Variants in CLASP1 observed in about 807,000 individuals in gnomAD.
The protein encoded by CLASP1 is cytoplasmic linker associated protein 1.
A neutral mutation model predicts 192.3 loss-of-function variants in CLASP1; 38 were observed. That is an observed-to-expected ratio of 0.20 (90% confidence interval 0.15 to 0.26). The LOEUF (loss-of-function observed/expected upper bound fraction) is 0.26. CLASP1 is among the 10% of genes least tolerant of loss of function. The probability of loss-of-function intolerance (pLI) is 1.00; values close to 1 mark genes in which losing one functional copy is unlikely to be tolerated. For missense variants in CLASP1, 1,433 were observed against 1,932.5 expected (o/e 0.74, Z 4.85); for synonymous variants, 691 against 712.8 (o/e 0.97, Z 0.49).
chr2:121,545,578 A>G (rs1425104704), intron 2 of CLASP1, among the ~76,000 whole-genome samples: 1 of 152,174 alleles, frequency 6.6e-6, no homozygotes, highest in Non-Finnish European at 1.5e-5. Context: ...AGACACAGTC[A>G]GCTTTGTCTG....
At chr2:121,442,683 T>C (rs192144090) in intron 19 of CLASP1, among the ~76,000 whole-genome samples, 17 of 152,268 alleles carry the variant, frequency 1.1e-4, no homozygotes, top group African/African-American at 4.1e-4. Flanking sequence ...TTTCACCACG[T>C]TGGTCAGGCT....
intron 6 of CLASP1, among the ~76,000 whole-genome samples, chr2:121,520,196 G>A (rs1358460060): frequency 1.3e-5 from 2 of 152,190 alleles, no homozygotes; most frequent in Admixed American, 1.3e-4. Flanking sequence ...GCACCTCTCT[G>A]GGGGCAAGTC....
At chr2:121,376,574 T>C (rs1467466650) in intron 34 of CLASP1, among the ~76,000 whole-genome samples, 3 of 151,980 alleles carry the variant, frequency 2.0e-5, no homozygotes, top group African/African-American at 7.3e-5. Context: ...GCTGCAAAAT[T>C]GCAGCTAGGT....
At chr2:121,550,269 T>C (rs892390314) in intron 2 of CLASP1, among the ~76,000 whole-genome samples, 2 of 152,114 alleles carry the variant, frequency 1.3e-5, no homozygotes, top group Admixed American at 1.3e-4. Flanking sequence ...CAGTAATTCA[T>C]AGCACTAAAT....
At chr2:121,439,574 C>T (rs1185542386) in intron 19 of CLASP1, among the ~76,000 whole-genome samples, 3 of 151,868 alleles carry the variant, frequency 2.0e-5, no homozygotes, top group Admixed American at 1.3e-4. Flanking sequence ...GCCTTCATTT[C>T]GTTATGTACC....
intron 19 of CLASP1, among the ~76,000 whole-genome samples, chr2:121,443,522 G>A (rs2083747361): frequency 1.3e-5 from 2 of 152,170 alleles, no homozygotes; most frequent in Non-Finnish European, 2.9e-5. Flanking sequence ...ACCCATATCA[G>A]CTTAAGAAAT....
At chr2:121,507,170 A>G (rs936648194) in intron 7 of CLASP1, among the ~76,000 whole-genome samples, 11 of 152,222 alleles carry the variant, frequency 7.2e-5, no homozygotes, top group African/African-American at 2.7e-4. Context: ...CGAAAGATCT[A>G]AAGAAAACTA....
intron 2 of CLASP1, among the ~76,000 whole-genome samples, chr2:121,581,182 T>G (rs2105564377): frequency 6.6e-6 from 1 of 151,376 alleles, no homozygotes; most frequent in Admixed American, 6.6e-5. Flanking sequence ...CAAAGGTCAC[T>G]CTGCAGAGCA....
intron 2 of CLASP1, among the ~76,000 whole-genome samples, chr2:121,600,521 G>A (rs1322849004): frequency 6.6e-6 from 1 of 152,094 alleles, no homozygotes; most frequent in Admixed American, 6.6e-5. Context: ...TCATTCCTTT[G>A]TAACCCTGCA....
intron 25 of CLASP1, among the ~76,000 whole-genome samples, chr2:121,407,213 T>C (rs2077047850): frequency 8.6e-6 from 1 of 116,474 alleles, no homozygotes; most frequent in Non-Finnish European, 1.6e-5. Context: ...AGATTCCATC[T>C]CAAAAAAAAA....
At chr2:121,511,171 T>A (rs2094123703) in intron 7 of CLASP1, among the ~76,000 whole-genome samples, 3 of 152,192 alleles carry the variant, frequency 2.0e-5, no homozygotes, top group Admixed American at 2.0e-4. Context: ...TTACCAAATA[T>A]TAATAGTGAA....
intron 2 of CLASP1, among the ~76,000 whole-genome samples, chr2:121,576,713 A>G (rs979572064): frequency 1.3e-5 from 2 of 152,232 alleles, no homozygotes; most frequent in African/African-American, 2.4e-5. Flanking sequence ...AATACTAAAA[A>G]GATCCTCTTT....
intron 8 of CLASP1, among the ~76,000 whole-genome samples, chr2:121,498,195 T>C (rs2093609090): frequency 1.4e-5 from 2 of 146,816 alleles, no homozygotes; most frequent in South Asian, 2.1e-4. Context: ...AAATAGGTAA[T>C]AGTTTCTTTT....
intron 16 of CLASP1, among the ~76,000 whole-genome samples, 200 bp from the exon 17 acceptor site, chr2:121,449,320 A>T (rs1347764576): frequency 6.6e-6 from 1 of 152,180 alleles, no homozygotes; most frequent in Non-Finnish European, 1.5e-5. Flanking sequence ...GACTATGGGC[A>T]AGTCACTTAT....
intron 1 of CLASP1, among the ~76,000 whole-genome samples, chr2:121,649,087 A>C (rs1490391990): frequency 6.6e-6 from 1 of 152,084 alleles, no homozygotes; most frequent in Non-Finnish European, 1.5e-5. Flanking sequence ...TGGAAAAGGG[A>C]AACAGAGAGG....
intron 9 of CLASP1, among the ~76,000 whole-genome samples, chr2:121,467,571 T>C (rs1473651836): frequency 2.0e-5 from 3 of 152,242 alleles, no homozygotes; most frequent in Non-Finnish European, 1.5e-5. Flanking sequence ...TTGAGCTTTT[T>C]TTCATGTTTG....
chr2:121,597,142 A>C (rs958453383), intron 2 of CLASP1, among the ~76,000 whole-genome samples: 1 of 152,334 alleles, frequency 6.6e-6, no homozygotes, highest in African/African-American at 2.4e-5. Context: ...TAAGGACTTG[A>C]GTTCAAGTCT....
chr2:121,401,355 CATGTCAACAAGT>C (rs1169875796), intron 28 of CLASP1, among the ~76,000 whole-genome samples, 142 bp downstream of exon 29: 1 of 152,090 alleles, frequency 6.6e-6, no homozygotes, highest in Non-Finnish European at 1.5e-5. Flanking sequence ...ACTGGTGGGA[CATGTCAACAAGT>C]ATGTCAACAA....
At chr2:121,498,201 CTTT>C (rs70954551) in intron 8 of CLASP1, among the ~76,000 whole-genome samples, 1 of 119,128 alleles carries the variant, frequency 8.4e-6, no homozygotes, top group South Asian at 2.8e-4. Context: ...GTAATAGTTT[CTTT>C]TTTTTTTTTT....
Sources: gnomAD v4.1 joint callset for allele counts (sites outside exome capture counted in the v4.1 genomes callset) on GRCh38, gnomAD v4.1.1 for gene constraint, MANE v1.5 for transcripts, NCBI Gene and HGNC (gene_info 2026-07-23, HGNC 2026-07-21) for gene names.